Variants in ERCC6L2 observed in about 807,000 individuals in gnomAD.
ERCC6L2 encodes DNA excision repair protein ERCC-6-like 2.
Under a neutral mutation model 132.0 loss-of-function variants are expected in ERCC6L2, and 77 were observed. The observed-to-expected ratio is 0.58, with a 90% CI of 0.49 to 0.71. The LOEUF (loss-of-function observed/expected upper bound fraction) is 0.71. Among genes scored for constraint, ERCC6L2 ranks in the 30% least tolerant of loss-of-function variants. The probability of loss-of-function intolerance (pLI) is 0.00; values close to 1 mark genes in which losing one functional copy is unlikely to be tolerated. For synonymous variants in ERCC6L2, 583 were observed against 632.4 expected (o/e 0.92, Z 1.17); for missense variants, 1,542 against 1,837.6 (o/e 0.84, Z 2.94).
intron 19 of ERCC6L2, among the ~76,000 whole-genome samples, chr9:96,029,310 A>AAC (rs1554765203): frequency 1.3e-5 from 2 of 149,560 alleles, no homozygotes; most frequent in Non-Finnish European, 1.5e-5. Flanking sequence ...TCTCAAAAAA[A>AAC]AAAAAAAAAA....
At chr9:96,023,435 TC>T (rs1362088971), downstream of ERCC6L2, among the ~76,000 whole-genome samples, 1 of 152,150 alleles carries the variant, frequency 6.6e-6, no homozygotes, top group African/African-American at 2.4e-5. Context: ...GCAGACTGTT[TC>T]CCCCCTAACT....
intron 17 of ERCC6L2, among the ~76,000 whole-genome samples, chr9:95,987,390 A>C (rs548741917): frequency 6.6e-6 from 1 of 152,372 alleles, no homozygotes; most frequent in Non-Finnish European, 1.5e-5. Context: ...CAATGGACGT[A>C]CAGGAATTGG....
chr9:95,985,985 C>T (rs2133140015), intron 17 of ERCC6L2, among the ~76,000 whole-genome samples: 1 of 152,282 alleles, frequency 6.6e-6, no homozygotes, highest in Middle Eastern at 3.4e-3. Context: ...TTAGGCCTTC[C>T]AAGCCTTTGC....
chr9:95,922,568 G>T, intron 8 of ERCC6L2, 150 bp downstream of exon 8: 1 of 570,534 alleles, frequency 1.8e-6, no homozygotes, highest in Non-Finnish European at 3.1e-6. Context: ...AGGAGTATGT[G>T]CACTTAAGTT....
At position 96,014,754 on chromosome 9, in the gene ERCC6L2, C is replaced by A. The variant is rs774893762; in HGVS notation, c.*1551C>A. Among the ~76,000 whole-genome samples, 1 of 152,116 alleles carries A rather than the reference C, an allele frequency of 6.6e-6. No individual in the cohort carries two copies. The highest frequency in any genetic ancestry group is 1.5e-5 in the Non-Finnish European group (1 of 68,026). On this transcript the variant is annotated 3_prime_UTR_variant, in exon 19 of 19. Transcript: ENST00000653738. ...TTCGTCATTTGTTTGCTCTGTGCAG[C>A]TGAGTTGTGTCCAGACTTACCAGAT...
chr9:95,916,417 C>G lies in ERCC6L2; in HGVS notation c.1141C>G (p.Pro381Ala). 1 of 1,567,294 alleles carries G rather than the reference C, an allele frequency of 6.4e-7. No individual in the cohort carries two copies. Among genetic ancestry groups the G allele is most frequent in the Non-Finnish European group, 8.6e-7 (1 of 1,163,126 alleles). The change falls in exon 6 of 19, where the codon CCT (proline) becomes GCT (alanine). Residue 381 changes from proline (P) to alanine (A), a missense_variant. Physicochemically the swap from Pro to Ala is conservative, Grantham distance 27. This residue lies in a region of ERCC6L2 where 945 missense variants were observed against 1,105.2 expected (regional missense o/e 0.86). Coordinates refer to ENST00000653738, the MANE Select transcript of ERCC6L2 (RefSeq NM_020207.7). ...RTKTLIKDQL[P>A]KKEDRMVYCS... is the part of the protein sequence containing the mutation. ...CAAGACTCTTATCAAGGATCAGTTG[C>G]CTAAGAAGGAAGACCGGGTAAGAAC...
At chr9:95,994,032 T>C (rs911088153) in intron 17 of ERCC6L2, among the ~76,000 whole-genome samples, 1 of 152,250 alleles carries the variant, frequency 6.6e-6, no homozygotes, top group Non-Finnish European at 1.5e-5. Flanking sequence ...TTGTTGAGTA[T>C]TGGAAAACTG....
At chr9:95,978,652 A>G (rs914981434) in intron 17 of ERCC6L2, among the ~76,000 whole-genome samples, 4 of 152,230 alleles carry the variant, frequency 2.6e-5, no homozygotes, top group African/African-American at 9.6e-5. Context: ...AAGGGTTTTT[A>G]TACTGTTAAA....
chr9:95,910,626 T>C (rs1829297887), intron 4 of ERCC6L2, among the ~76,000 whole-genome samples: 1 of 152,222 alleles, frequency 6.6e-6, no homozygotes, highest in African/African-American at 2.4e-5. Flanking sequence ...TATTGCTTTT[T>C]CATCCATTCG....
chr9:96,034,922 G>A (rs1197598606), intron 19 of ERCC6L2, among the ~76,000 whole-genome samples: 1 of 152,160 alleles, frequency 6.6e-6, no homozygotes, highest in Non-Finnish European at 1.5e-5. Context: ...CCATGGAGCA[G>A]GCAGGAGCCC....
chr9:96,003,587 T>C (rs192821783), intron 17 of ERCC6L2, among the ~76,000 whole-genome samples: 1 of 152,168 alleles, frequency 6.6e-6, no homozygotes, highest in Non-Finnish European at 1.5e-5. Context: ...TGCAGGGAGT[T>C]AAACCATTTC....
At chr9:95,975,840 T>TA (rs1832646404) in intron 16 of ERCC6L2, among the ~76,000 whole-genome samples, 1 of 152,146 alleles carries the variant, frequency 6.6e-6, no homozygotes, top group African/African-American at 2.4e-5. Context: ...TATTCCCACT[T>TA]ATGTTCCTTC....
At chr9:96,036,892 A>G (rs1036445103) in intron 19 of ERCC6L2, among the ~76,000 whole-genome samples, 1 of 147,976 alleles carries the variant, frequency 6.8e-6, no homozygotes, top group East Asian at 2.0e-4. Flanking sequence ...TCAGCCTCCC[A>G]AGTAGCTGGG....
chr9:95,988,813 A>G (rs1158226368), intron 17 of ERCC6L2, among the ~76,000 whole-genome samples: 1 of 152,178 alleles, frequency 6.6e-6, no homozygotes, highest in East Asian at 1.9e-4. Flanking sequence ...CTGCCTGGAT[A>G]CAGTATCAGA....
In ERCC6L2 at chr9:95,946,748, G is replaced by A. The variant is rs117909233; in HGVS notation, c.1847+5199G>A. ...GCAAGTCTTCCAGCACCATTTTTCC[G>A]TGGCATATGCTCACTTGTGTCTCTG... On this transcript the variant is annotated intron_variant, in intron 12 of 18. Coordinates refer to ENST00000653738, the MANE Select transcript of ERCC6L2 (RefSeq NM_020207.7). Among the ~76,000 whole-genome samples the A allele has an allele frequency of 2.8e-3, 431 of 152,108 alleles. 1 individual carries two copies. Among genetic ancestry groups the A allele is most frequent in the Non-Finnish European group, 4.8e-3 (324 of 67,978 alleles).
At chr9:95,929,933 G>A (rs1243084359) in intron 11 of ERCC6L2, among the ~76,000 whole-genome samples, 1 of 152,120 alleles carries the variant, frequency 6.6e-6, no homozygotes, top group East Asian at 1.9e-4. Context: ...CTCATTTGCT[G>A]AGATCCTCCA....
At position 95,955,993 on chromosome 9, in the gene ERCC6L2, T is replaced by G; in HGVS notation, c.1927T>G (p.Leu643Val). The change falls in exon 13 of 19, where the codon TTA becomes GTA. Residue 643 changes from leucine (L) to valine (V), a missense_variant. Leu to Val is a conservative substitution (Grantham distance 32). Coordinates refer to ENST00000653738, the MANE Select transcript of ERCC6L2 (RefSeq NM_020207.7). ...GGGAACTGTGGAGGAAATCATGTAT[T>G]TACGACAGATATACAAGCAGGTAAA... ...SLGTVEEIMY[L>V]RQIYKQQLHC... is the part of the protein sequence containing the mutation. The G allele has an allele frequency of 6.3e-7, 1 of 1,597,700 alleles. No homozygotes were observed. Among genetic ancestry groups the G allele is most frequent in the Non-Finnish European group, 8.5e-7 (1 of 1,170,764 alleles).
In ERCC6L2 at chr9:95,921,085, G is replaced by A; in HGVS notation, c.1159-90G>A. ...CCTCTGCGCCCGGCCAGTTTTCACT[G>A]TTATAATCTATGAAATCAGATGTAG... On this transcript the variant is annotated intron_variant, in intron 6 of 18. Coordinates refer to ENST00000653738, the MANE Select transcript of ERCC6L2 (RefSeq NM_020207.7). The A allele has an allele frequency of 2.3e-6, 3 of 1,304,202 alleles. No individual in the cohort carries two copies. The South Asian group carries it at 4.5e-5, about 20-fold the overall frequency. 80.8% of individuals were successfully genotyped at this position (1,304,202 alleles called of 1,614,324 possible). A position where few individuals can be genotyped will look rare whatever the true frequency, so the allele number is the denominator to read the frequency against.
At chr9:95,996,915 T>A (rs1476385652) in intron 17 of ERCC6L2, among the ~76,000 whole-genome samples, 3 of 152,006 alleles carry the variant, frequency 2.0e-5, no homozygotes, top group African/African-American at 7.3e-5. Context: ...GATCAAGGAG[T>A]AATTTTGGCT....
Sources: gnomAD v4.1 joint callset for allele counts (sites outside exome capture counted in the v4.1 genomes callset) on GRCh38, gnomAD v4.1.1 for gene constraint, gnomAD v4.1.1 regional missense constraint, MANE v1.5 for transcripts, NCBI Gene and HGNC (gene_info 2026-07-23, HGNC 2026-07-21) for gene names.